Variants in ZNF491 observed in about 807,000 individuals in gnomAD.
ZNF491 encodes the protein zinc finger protein 491.
In ZNF491, 22 loss-of-function variants were observed where a neutral mutation model predicts 34.7. The observed-to-expected ratio is 0.63, with a 90% CI of 0.45 to 0.90. The LOEUF (loss-of-function observed/expected upper bound fraction) is 0.90. Ranked by LOEUF, ZNF491 falls within the 40% of genes least tolerant of loss-of-function variation. The pLI is 0.00. For missense variants in ZNF491, 559 were observed against 531.7 expected, an observed-to-expected ratio of 1.05 and a Z score of -0.51; for synonymous variants, 148 against 174.3, an observed-to-expected ratio of 0.85 and a Z score of 1.19.
intron 2 of ZNF491, among the ~76,000 whole-genome samples, chr19:11,805,409 CAAAAAAAAAA>C (rs971587205): frequency 2.4e-4 from 12 of 48,994 alleles, no homozygotes; most frequent in South Asian, 7.6e-4. Flanking sequence ...AACTCCGTCT[CAAAAAAAAAA>C]AAAAAAAAAA....
intron 1 of ZNF491, among the ~76,000 whole-genome samples, chr19:11,800,415 A>G (rs1599278717): frequency 6.6e-6 from 1 of 152,080 alleles, no homozygotes; most frequent in Non-Finnish European, 1.5e-5. Flanking sequence ...TGTGTTTCCC[A>G]TGCTACATTT....
At position 11,806,600 on chromosome 19, in the gene ZNF491, A is replaced by G. The variant is rs1384858268; in HGVS notation, c.647A>G (p.Lys216Arg). ...ERTHTGEKPY[K>R]CKECGKAFNC... is the part of the protein sequence containing the mutation. ...ACACACACAGGAGAGAAGCCGTACA[A>G]ATGTAAGGAATGTGGGAAAGCCTTC... Residue 216 changes from lysine to arginine, a missense_variant, in exon 3 of 3, where the codon AAA (lysine) becomes AGA (arginine). Physicochemically the swap from Lys to Arg is conservative, Grantham distance 26. Coordinates refer to ENST00000323169, the MANE Select transcript of ZNF491 (RefSeq NM_152356.4). 1 of 1,614,126 alleles carries G rather than the reference A, an allele frequency of 6.2e-7. No individual in the cohort carries two copies. The highest frequency in any genetic ancestry group is 8.5e-7 in the Non-Finnish European group (1 of 1,180,030).
rs774291556 is a variant in ZNF491, at chr19:11,807,189, A to G, written c.1236A>G (p.Gln412=). 3 of 1,597,654 alleles carry G rather than the reference A, an allele frequency of 1.9e-6. No homozygotes were observed. Among genetic ancestry groups the G allele is most frequent in the Admixed American group, 3.6e-5 (2 of 56,138 alleles). ...ERIHTGEKPY[Q]CKECGKAFIR... The stretch of plus-strand genomic sequence containing the variant: ...TTCACACTGGAGAGAAACCTTACCA[A>G]TGTAAGGAATGTGGGAAAGCCTTCA... Residue 412 remains glutamine, a synonymous_variant, in exon 3 of 3, where the codon CAA becomes CAG. Coordinates refer to ENST00000323169, the MANE Select transcript of ZNF491 (RefSeq NM_152356.4).
chr19:11,800,381 G>A (rs1017294090), intron 1 of ZNF491, among the ~76,000 whole-genome samples: 1 of 151,934 alleles, frequency 6.6e-6, no homozygotes, highest in Non-Finnish European at 1.5e-5. Context: ...ACTTCCCCTC[G>A]CCAATTGACA....
At position 11,806,112 on chromosome 19, in the gene ZNF491, T is replaced by C. The variant is rs953707050; in HGVS notation, c.159T>C (p.Asn53=). 3.2e-5 allele frequency: 51 copies of C among 1,613,724 alleles called. No homozygotes were observed. Among genetic ancestry groups the C allele is most frequent in the Admixed American group, 6.7e-5 (4 of 59,970 alleles). The change falls in exon 3 of 3, where the codon AAT becomes AAC. Residue 53 remains asparagine (N), a synonymous_variant. Transcript: ENST00000323169. ...GEIFMGYSSF[N]RNIRTDTGHQ... Reference sequence around the variant, plus strand: ...TCTTCATGGGATATTCATCCTTTAATAGGAACATCAGAACTGACACTGGAC... The same window carrying C: ...TCTTCATGGGATATTCATCCTTTAACAGGAACATCAGAACTGACACTGGAC...
Position 11,807,190 on chromosome 19 carries a change from T to C in ZNF491, c.1237T>C (p.Cys413Arg), listed in dbSNP as rs186703313. 62 of 1,598,208 alleles carry C rather than the reference T, an allele frequency of 3.9e-5. 1 individual carries two copies. In the East Asian group the frequency reaches 1.2e-3, roughly 31 times the overall value. The change falls in exon 3 of 3, where the codon TGT becomes CGT. Residue 413 changes from cysteine to arginine, a missense_variant. Coordinates refer to ENST00000323169, the MANE Select transcript of ZNF491 (RefSeq NM_152356.4). The stretch of plus-strand genomic sequence containing the variant: ...TCACACTGGAGAGAAACCTTACCAA[T>C]GTAAGGAATGTGGGAAAGCCTTCAT... ...RIHTGEKPYQ[C>R]KECGKAFIRS...
chr19:11,800,982 G>A (rs189076001), intron 1 of ZNF491, among the ~76,000 whole-genome samples: 1 of 152,046 alleles, frequency 6.6e-6, no homozygotes, highest in East Asian at 2.0e-4. Flanking sequence ...AGGCTGCAGT[G>A]AGCCTTGAGG....
chr19:11,806,933 A>C lies in ZNF491; in HGVS notation c.980A>C (p.Asp327Ala). 6.2e-7 allele frequency: 1 copy of C among 1,613,372 alleles called. No homozygotes were observed. Among genetic ancestry groups the C allele is most frequent in the Non-Finnish European group, 8.5e-7 (1 of 1,179,750 alleles). Residue 327 changes from aspartate to alanine, a missense_variant, in exon 3 of 3, where the codon GAT becomes GCT. Coordinates refer to ENST00000323169, the MANE Select transcript of ZNF491 (RefSeq NM_152356.4). ...AGGACTCACACTGGAGAGAAACCCG[A>C]TGGGTGTAAGCAATGTGGGAAAGCC... ...HERTHTGEKP[D>A]GCKQCGKAFR...
chr19:11,806,980 C>A lies in ZNF491; in HGVS notation c.1027C>A (p.Arg343=), dbSNP rs377331762. 1.7e-5 allele frequency: 28 copies of A among 1,612,756 alleles called. No homozygotes were observed. Among genetic ancestry groups the A allele is most frequent in the Non-Finnish European group, 1.9e-5 (23 of 1,179,496 alleles). ...GKAFRSAKYI[R]IHGRTHTGEK... The stretch of plus-strand genomic sequence containing the variant: ...AGCCTTCAGATCTGCCAAGTACATT[C>A]GAATACATGGAAGGACTCACACTGG... Residue 343 remains arginine, a synonymous_variant, in exon 3 of 3, where the codon CGA becomes AGA. Transcript: ENST00000323169.
In ZNF491 at chr19:11,806,205, G is replaced by A. The variant is rs370864375; in HGVS notation, c.252G>A (p.Leu84=). The stretch of plus-strand genomic sequence containing the variant: ...AACATAAACAACGTAGGAAAGCCTT[G>A]AGCCATAGCCACTGCTTTCGAACAC... ...PYKHKQRRKA[L]SHSHCFRTHE... The change falls in exon 3 of 3, where the codon TTG becomes TTA. Residue 84 remains leucine, a synonymous_variant. Transcript: ENST00000323169. 6.2e-7 allele frequency: 1 copy of A among 1,614,052 alleles called. No homozygotes were observed. The highest frequency in any genetic ancestry group is 8.5e-7 in the Non-Finnish European group (1 of 1,179,994).
chr19:11,805,242 G>A (rs1015703191), intron 2 of ZNF491, among the ~76,000 whole-genome samples: 11 of 151,694 alleles, frequency 7.3e-5, no homozygotes, highest in African/African-American at 2.4e-4. Flanking sequence ...AAACCCTGTC[G>A]CTAGTAAAAG....
chr19:11,801,419 G>T (rs1975558120), intron 1 of ZNF491, among the ~76,000 whole-genome samples: 1 of 152,120 alleles, frequency 6.6e-6, no homozygotes, highest in Non-Finnish European at 1.5e-5. Flanking sequence ...CACTTTGGGA[G>T]GCTGAGGCGG....
rs1276869908 is a variant in ZNF491, at chr19:11,806,472, T to C, written c.519T>C (p.Ser173=). Residue 173 remains serine (S), a synonymous_variant, in exon 3 of 3, where the codon TCT becomes TCC. Coordinates refer to ENST00000323169, the MANE Select transcript of ZNF491 (RefSeq NM_152356.4). ...GTAAAGCCTTCAGTTGGCACAGTTC[T>C]GTTCGAATCCATGAAAGAACTCACA... is the stretch of plus-strand genomic sequence containing the variant. ...QCGKAFSWHS[S]VRIHERTHTG... The C allele has an allele frequency of 9.3e-6, 15 of 1,613,714 alleles. No homozygotes were observed. The East Asian group carries it at 3.3e-4, about 36-fold the overall frequency.
At chr19:11,805,793 G>A (rs965367243) in intron 2 of ZNF491, among the ~76,000 whole-genome samples, 154 bp from the exon 3 acceptor site, 5 of 152,172 alleles carry the variant, frequency 3.3e-5, no homozygotes, top group African/African-American at 2.4e-5. Flanking sequence ...GCTGCAGTGT[G>A]TTATGATCAC....
At chr19:11,804,927 T>C (rs1443248899) in intron 2 of ZNF491, among the ~76,000 whole-genome samples, 1 of 152,196 alleles carries the variant, frequency 6.6e-6, no homozygotes, top group Non-Finnish European at 1.5e-5. Flanking sequence ...TAAGATAATT[T>C]ACACTCACAA....
chr19:11,807,267 A>T lies in ZNF491; in HGVS notation c.1314A>T (p.Ter438CysextTer38). The T allele has an allele frequency of 6.6e-7, 1 of 1,511,772 alleles. No individual in the cohort carries two copies. The highest frequency in any genetic ancestry group is 1.4e-5 in the South Asian group (1 of 72,582). The allele number at this position is 1,511,772 out of a possible 1,614,324, so 93.6% of individuals were successfully genotyped here. A position where few individuals can be genotyped will look rare whatever the true frequency, so the allele number is the denominator to read the frequency against. ...AAAGAACTCACACTATTAATATATG[A>T]GAGAAATGCTATTTTTTAATTTTTA... ...KHERTHTINI[*>C] The change falls in exon 3 of 3, where the codon TGA (stop) becomes TGT (cysteine). Residue 438 changes from the stop codon to cysteine (C), a stop_lost. Transcript: ENST00000323169.
At position 11,807,023 on chromosome 19, in the gene ZNF491, G is replaced by T. The variant is rs759559308; in HGVS notation, c.1070G>T (p.Cys357Phe). The change falls in exon 3 of 3, where the codon TGT (cysteine) becomes TTT (phenylalanine). Residue 357 changes from cysteine to phenylalanine, a missense_variant. Physicochemically the swap from Cys to Phe is radical, Grantham distance 205 (BLOSUM62 -2). Transcript: ENST00000323169. ...CACACTGGTGAGAAACCCTATGAAT[G>T]TAAGCAATGTGGGAAAGCATTTCAT... ...RTHTGEKPYE[C>F]KQCGKAFHCV... 1 of 1,611,530 alleles carries T rather than the reference G, an allele frequency of 6.2e-7. No individual in the cohort carries two copies. The highest frequency in any genetic ancestry group is 1.1e-5 in the South Asian group (1 of 90,702).
Position 11,807,452 on chromosome 19 carries a change from A to C in ZNF491, c.*185A>C, listed in dbSNP as rs1220052679. ...GGGATTCACTGGTGGCCTATCTTACATATGATTTCGAAGGCAGACATGAGG... is the reference window on the plus strand; with the variant it reads ...GGGATTCACTGGTGGCCTATCTTACCTATGATTTCGAAGGCAGACATGAGG... On this transcript the variant is annotated 3_prime_UTR_variant, in exon 3 of 3. Transcript: ENST00000323169. 5.2e-5 allele frequency: 25 copies of C among 476,906 alleles called. No homozygotes were observed. Among genetic ancestry groups the C allele is most frequent in the Non-Finnish European group, 8.2e-5 (22 of 268,714 alleles). 29.5% of individuals were successfully genotyped at this position (476,906 alleles called of 1,614,324 possible).
intron 1 of ZNF491, among the ~76,000 whole-genome samples, chr19:11,803,513 C>T (rs1304674723): frequency 6.6e-6 from 1 of 152,154 alleles, no homozygotes; most frequent in East Asian, 1.9e-4. Flanking sequence ...ATCCAGTATA[C>T]CCCACTGTAT....
Sources: gnomAD v4.1 joint callset for allele counts (sites outside exome capture counted in the v4.1 genomes callset) on GRCh38, gnomAD v4.1.1 for gene constraint, MANE v1.5 for transcripts, NCBI Gene and HGNC (gene_info 2026-07-23, HGNC 2026-07-21) for gene names.